The following CDH13 variants were observed in gnomAD, a reference collection of about 807,000 sequenced individuals.
The protein encoded by CDH13 is cadherin-13.
In CDH13, 24 loss-of-function variants were observed where a neutral mutation model predicts 63.8. The ratio of observed to expected loss-of-function variants is 0.38; its 90% CI spans 0.27 to 0.53. The LOEUF (loss-of-function observed/expected upper bound fraction) is 0.53, where lower values mean the gene tolerates loss of function less well. Ranked by LOEUF, CDH13 falls within the 20% of genes least tolerant of loss-of-function variation. The pLI, the probability that CDH13 is intolerant of heterozygous loss-of-function variation, is 0.85. For missense variants in CDH13, 1,049 were observed against 903.1 expected, an observed-to-expected ratio of 1.16 and a Z score of -2.07; for synonymous variants, 503 against 355.3, an observed-to-expected ratio of 1.42 and a Z score of -4.67.
At chr16:83,488,983 C>A (rs189982325) in intron 7 of CDH13, among the ~76,000 whole-genome samples, 10 of 152,212 alleles carry the variant, frequency 6.6e-5, no homozygotes, top group African/African-American at 2.4e-4. Context: ...GTGATGACTT[C>A]CCAAGGCTCT....
At chr16:83,704,938 T>A (rs1447807774) in intron 10 of CDH13, among the ~76,000 whole-genome samples, 2 of 152,236 alleles carry the variant, frequency 1.3e-5, no homozygotes, top group Admixed American at 1.3e-4. Context: ...CCAACAATCA[T>A]TTAAAAACTT....
chr16:83,650,719 T>G (rs1337333299), intron 8 of CDH13, among the ~76,000 whole-genome samples: 2 of 152,096 alleles, frequency 1.3e-5, no homozygotes, highest in Admixed American at 6.5e-5. Flanking sequence ...CAGAATGTCA[T>G]TAGTGGCGAG....
intron 3 of CDH13, among the ~76,000 whole-genome samples, chr16:83,112,000 A>T (rs559313650): frequency 4.6e-4 from 70 of 152,304 alleles, no homozygotes; most frequent in African/African-American, 1.6e-3. Context: ...AAATTTTCTT[A>T]TACCCACATA....
intron 2 of CDH13, among the ~76,000 whole-genome samples, chr16:82,904,879 T>C (rs2041591606): frequency 6.6e-6 from 1 of 150,522 alleles, no homozygotes; most frequent in Admixed American, 6.6e-5. Context: ...GTTTGTCCCA[T>C]GGAGTGCAGT....
chr16:83,366,562 C>A (rs1027006477), intron 6 of CDH13, among the ~76,000 whole-genome samples: 2 of 152,094 alleles, frequency 1.3e-5, no homozygotes, highest in African/African-American at 4.8e-5. Flanking sequence ...CGACATCATC[C>A]CTGCGATTGG....
chr16:83,789,615 C>T (rs1259244720), intron 13 of CDH13, among the ~76,000 whole-genome samples: 1 of 149,310 alleles, frequency 6.7e-6, no homozygotes, highest in Non-Finnish European at 1.5e-5. Flanking sequence ...TCCCGAAGTG[C>T]TGGGATTACA....
At chr16:83,311,944 C>T (rs2090009551) in intron 5 of CDH13, among the ~76,000 whole-genome samples, 1 of 151,692 alleles carries the variant, frequency 6.6e-6, no homozygotes, top group Non-Finnish European at 1.5e-5. Context: ...CGTGGTGGTG[C>T]ATGCCTGTAA....
chr16:83,753,172 A>C (rs1913229794), intron 11 of CDH13, among the ~76,000 whole-genome samples: 1 of 152,256 alleles, frequency 6.6e-6, no homozygotes, highest in Non-Finnish European at 1.5e-5. Flanking sequence ...ACTTTTATTT[A>C]AAAGCTCCTT....
intron 1 of CDH13, among the ~76,000 whole-genome samples, chr16:82,639,812 G>A (rs1031012350): frequency 5.3e-5 from 8 of 152,256 alleles, no homozygotes; most frequent in Admixed American, 1.3e-4. Flanking sequence ...CCACAGAGCA[G>A]CGAGAGCATG....
chr16:83,620,389 CAAAAAAAAAAAA>C (rs60446363), intron 8 of CDH13, among the ~76,000 whole-genome samples: 1 of 97,364 alleles, frequency 1.0e-5, no homozygotes, highest in Non-Finnish European at 2.0e-5. Flanking sequence ...GACTCCGTCT[CAAAAAAAAAAAA>C]AAAAAAAAAG....
intron 2 of CDH13, among the ~76,000 whole-genome samples, chr16:82,874,437 C>T (rs1035576131): frequency 2.0e-5 from 3 of 151,164 alleles, no homozygotes; most frequent in Non-Finnish European, 4.4e-5. Flanking sequence ...TAAATGATGT[C>T]TTGGCAGGCC....
At chr16:82,689,415 TAGTC>T (rs1336484049) in intron 1 of CDH13, among the ~76,000 whole-genome samples, 3 of 152,202 alleles carry the variant, frequency 2.0e-5, no homozygotes, top group East Asian at 3.9e-4. Context: ...ATCATTATCA[TAGTC>T]AGTTTAGTAA....
intron 3 of CDH13, among the ~76,000 whole-genome samples, chr16:83,090,523 G>T (rs1041243620): frequency 6.7e-6 from 1 of 149,558 alleles, no homozygotes; most frequent in East Asian, 2.0e-4. Flanking sequence ...GCAGTGAGTC[G>T]AGATCGCGTC....
chr16:83,598,148 T>C (rs1461199619), intron 7 of CDH13, among the ~76,000 whole-genome samples: 1 of 152,192 alleles, frequency 6.6e-6, no homozygotes, highest in Non-Finnish European at 1.5e-5. Context: ...GGCAAATTGC[T>C]TGAGCTAAGG....
chr16:83,339,812 C>G (rs1473001818), intron 5 of CDH13, among the ~76,000 whole-genome samples: 1 of 152,194 alleles, frequency 6.6e-6, no homozygotes, highest in Admixed American at 6.5e-5. Context: ...AGCAGGAAAC[C>G]ACTAGCACTA....
At chr16:83,486,434 C>T (rs576399990) in intron 6 of CDH13, 43 bp from the exon 7 acceptor site, 15 of 1,570,440 alleles carry the variant, frequency 9.6e-6, no homozygotes, top group South Asian at 1.2e-5. Flanking sequence ...CCGTTGTTGA[C>T]CCATTGATAA....
chr16:83,140,913 G>T (rs1384773910), intron 4 of CDH13, among the ~76,000 whole-genome samples: 2 of 152,162 alleles, frequency 1.3e-5, no homozygotes, highest in Admixed American at 6.5e-5. Context: ...CCAGATAAAG[G>T]AAGATCTGCC....
chr16:83,412,743 C>T (rs994403859), intron 6 of CDH13, among the ~76,000 whole-genome samples: 1 of 152,138 alleles, frequency 6.6e-6, no homozygotes, highest in Admixed American at 6.5e-5. Flanking sequence ...AGTCATGAGC[C>T]CCCTTAAGAC....
chr16:83,134,675 TTTATC>T (rs2036206415), intron 4 of CDH13, among the ~76,000 whole-genome samples: 1 of 152,116 alleles, frequency 6.6e-6, no homozygotes, highest in Non-Finnish European at 1.5e-5. Flanking sequence ...ACTCATAACT[TTTATC>T]TTTTTTCACA....
Sources: allele counts gnomAD v4.1 joint callset (sites outside exome capture counted in the v4.1 genomes callset), GRCh38; gene constraint gnomAD v4.1.1; transcripts MANE v1.5; gene names NCBI Gene and HGNC (gene_info 2026-07-23, HGNC 2026-07-21).